The following KCNIP4 variants were observed in gnomAD, a reference collection of about 807,000 sequenced individuals.
KCNIP4 encodes Kv channel-interacting protein 4.
KCNIP4 carries 12 observed loss-of-function variants against 34.0 expected under a neutral mutation model. The ratio of observed to expected loss-of-function variants is 0.35; its 90% CI spans 0.23 to 0.57. The LOEUF is 0.57. KCNIP4 is among the 20% of genes least tolerant of loss of function. KCNIP4 has a pLI of 0.83. For synonymous variants in KCNIP4, 124 were observed against 102.2 expected (o/e 1.21, Z -1.29); for missense variants, 238 against 311.7 (o/e 0.76, Z 1.78).
At chr4:21,100,984 T>C (rs955105871) in intron 1 of KCNIP4, among the ~76,000 whole-genome samples, 5 of 152,202 alleles carry the variant, frequency 3.3e-5, no homozygotes, top group African/African-American at 1.2e-4. Context: ...AAATTTTATC[T>C]ATTGAGGGGG....
At chr4:20,918,280 A>G (rs1560569301) in intron 1 of KCNIP4, among the ~76,000 whole-genome samples, 1 of 152,100 alleles carries the variant, frequency 6.6e-6, no homozygotes, top group Non-Finnish European at 1.5e-5. Context: ...GCTGTTCAAC[A>G]TCTTACTCCT....
At position 21,899,025 on chromosome 4, in the gene KCNIP4, A is replaced by G. The variant is rs528987851; in HGVS notation, c.61+49546T>C. Among the ~76,000 whole-genome samples the G allele has an allele frequency of 9.8e-5, 15 of 152,316 alleles. No individual in the cohort carries two copies. The East Asian group carries it at 2.7e-3, about 27-fold the overall frequency. ...AAAGGGGAGAAAACAGTAGGAATGA[A>G]TTTGTATTGTGATTTGTGTCAGCTT... On this transcript the variant is annotated intron_variant, in intron 1 of 8. Coordinates refer to ENST00000382152, the MANE Select transcript of KCNIP4 (RefSeq NM_025221.6).
At chr4:21,738,759 C>A (rs986161289) in intron 1 of KCNIP4, among the ~76,000 whole-genome samples, 1 of 152,050 alleles carries the variant, frequency 6.6e-6, no homozygotes. Flanking sequence ...GGCCATTTCC[C>A]CTGTCTTCCC....
chr4:21,171,112 AAAACTTTC>A (rs775794429), intron 1 of KCNIP4, among the ~76,000 whole-genome samples: 19 of 152,224 alleles, frequency 1.2e-4, no homozygotes, highest in Non-Finnish European at 2.2e-4. Flanking sequence ...AATCTACATA[AAAACTTTC>A]ACTTTATTGA....
chr4:21,184,201 C>T (rs1190718716), intron 1 of KCNIP4, among the ~76,000 whole-genome samples: 1 of 152,000 alleles, frequency 6.6e-6, no homozygotes, highest in Non-Finnish European at 1.5e-5. Flanking sequence ...AAAAATAGTA[C>T]CTGCCTCATA....
At chr4:21,436,260 C>T (rs1726937548) in intron 1 of KCNIP4, among the ~76,000 whole-genome samples, 1 of 152,146 alleles carries the variant, frequency 6.6e-6, no homozygotes, top group South Asian at 2.1e-4. Flanking sequence ...CTGGGAAACA[C>T]CTGAGCCTTC....
chr4:21,733,574 A>G (rs1223665112), intron 1 of KCNIP4, among the ~76,000 whole-genome samples: 1 of 152,194 alleles, frequency 6.6e-6, no homozygotes, highest in Non-Finnish European at 1.5e-5. Flanking sequence ...GGGAAATAGC[A>G]GTATAATTTT....
At chr4:21,193,571 A>ATTTTTTT (rs71655619) in intron 1 of KCNIP4, among the ~76,000 whole-genome samples, 1,459 of 119,132 alleles carry the variant, frequency 0.012, 72 homozygotes, top group African/African-American at 0.038. Context: ...GCAATTTTAA[A>ATTTTTTT]TTTTTTTTTT....
chr4:20,823,694 A>G (rs1717383966), intron 3 of KCNIP4, among the ~76,000 whole-genome samples: 1 of 152,228 alleles, frequency 6.6e-6, no homozygotes, highest in African/African-American at 2.4e-5. Flanking sequence ...CTCAGCCTCC[A>G]GAACTATGAT....
chr4:21,026,261 A>C (rs1485495387), intron 1 of KCNIP4, among the ~76,000 whole-genome samples: 3 of 152,130 alleles, frequency 2.0e-5, no homozygotes, highest in South Asian at 4.1e-4. Flanking sequence ...AAGCCTGTAC[A>C]TCTCCAGCAG....
At chr4:21,284,387 G>C (rs1293745847) in intron 1 of KCNIP4, among the ~76,000 whole-genome samples, 1 of 152,164 alleles carries the variant, frequency 6.6e-6, no homozygotes, top group African/African-American at 2.4e-5. Context: ...AACTGGCCAA[G>C]CTGTTTGGTA....
intron 3 of KCNIP4, among the ~76,000 whole-genome samples, chr4:20,763,801 T>G (rs576296068): frequency 6.6e-6 from 1 of 152,288 alleles, no homozygotes; most frequent in East Asian, 1.9e-4. Flanking sequence ...CCACAAGCAA[T>G]CCTGCCTTGG....
At chr4:21,389,218 C>A (rs1260755196) in intron 1 of KCNIP4, among the ~76,000 whole-genome samples, 2 of 151,964 alleles carry the variant, frequency 1.3e-5, no homozygotes, top group African/African-American at 2.4e-5. Context: ...TGGGCTCAAG[C>A]AATCCATCTG....
chr4:20,994,241 G>A (rs1179738699), intron 1 of KCNIP4, among the ~76,000 whole-genome samples: 1 of 152,072 alleles, frequency 6.6e-6, no homozygotes, highest in Non-Finnish European at 1.5e-5. Flanking sequence ...CTATATAGAT[G>A]TAATATATTA....
At chr4:21,503,730 G>A (rs755142144) in intron 1 of KCNIP4, among the ~76,000 whole-genome samples, 12 of 152,204 alleles carry the variant, frequency 7.9e-5, no homozygotes, top group Non-Finnish European at 1.5e-4. Flanking sequence ...CATAGAGCAA[G>A]TGAGCAGGGA....
At chr4:21,146,276 T>C (rs912293143) in intron 1 of KCNIP4, among the ~76,000 whole-genome samples, 3 of 152,042 alleles carry the variant, frequency 2.0e-5, no homozygotes, top group Non-Finnish European at 2.9e-5. Flanking sequence ...CGGGCGCCTA[T>C]AGTCCCAGCT....
At chr4:21,694,933 AAAAT>A (rs781345485) in intron 1 of KCNIP4, among the ~76,000 whole-genome samples, 1 of 61,536 alleles carries the variant, frequency 1.6e-5, no homozygotes, top group South Asian at 4.5e-4. Flanking sequence ...AAAAAAAATA[AAAAT>A]AAATAAATAA....
chr4:21,737,999 G>A (rs1208293565), intron 1 of KCNIP4, among the ~76,000 whole-genome samples: 5 of 151,936 alleles, frequency 3.3e-5, no homozygotes, highest in Non-Finnish European at 1.5e-5. Context: ...GGCTGAAGCA[G>A]GAGAATCACT....
chr4:21,039,147 G>A (rs1489514972), intron 1 of KCNIP4, among the ~76,000 whole-genome samples: 1 of 152,096 alleles, frequency 6.6e-6, no homozygotes, highest in Non-Finnish European at 1.5e-5. Flanking sequence ...ATTATCTGAG[G>A]TCAGGAGTTT....
Sources: gnomAD v4.1 joint callset for allele counts (sites outside exome capture counted in the v4.1 genomes callset) on GRCh38, gnomAD v4.1.1 for gene constraint, MANE v1.5 for transcripts, NCBI Gene and HGNC (gene_info 2026-07-23, HGNC 2026-07-21) for gene names.